MARCHF1: variants seen among roughly 807,000 people sequenced by gnomAD.
The protein encoded by MARCHF1 is membrane associated ring-CH-type finger 1, also known as E3 ubiquitin-protein ligase MARCHF1.
MARCHF1 carries 40 observed loss-of-function variants against 54.2 expected under a neutral mutation model. That is an observed-to-expected ratio of 0.74 (90% CI 0.57 to 0.96). The LOEUF is 0.96. Among genes scored for constraint, MARCHF1 ranks in the 40% least tolerant of loss-of-function variants. The pLI is 0.00. For synonymous variants in MARCHF1, 236 were observed against 236.3 expected, an observed-to-expected ratio of 1.00 and a Z score of 0.01; for missense variants, 586 against 656.5, an observed-to-expected ratio of 0.89 and a Z score of 1.17.
At chr4:164,205,451 T>G (rs527894763) in intron 1 of MARCHF1, among the ~76,000 whole-genome samples, 1 of 152,302 alleles carries the variant, frequency 6.6e-6, no homozygotes, top group East Asian at 1.9e-4. Context: ...GCAAACTCGC[T>G]ACTATAAACA....
At chr4:163,839,918 A>G (rs1175595439) in intron 4 of MARCHF1, among the ~76,000 whole-genome samples, 4 of 152,140 alleles carry the variant, frequency 2.6e-5, no homozygotes, top group African/African-American at 9.7e-5. Context: ...TACAATAGAG[A>G]AAATTGAAAA....
At chr4:164,293,784 C>T (rs1408967452) in intron 1 of MARCHF1, among the ~76,000 whole-genome samples, 1 of 152,180 alleles carries the variant, frequency 6.6e-6, no homozygotes, top group East Asian at 1.9e-4. Flanking sequence ...GGCTCCCATG[C>T]ATTAGTTCCT....
intron 3 of MARCHF1, among the ~76,000 whole-genome samples, chr4:163,895,210 A>C (rs1248655461): frequency 2.0e-5 from 3 of 152,182 alleles, no homozygotes; most frequent in Non-Finnish European, 4.4e-5. Flanking sequence ...CAACTTTTAC[A>C]AGGAAGTTTT....
At chr4:164,076,136 TAAC>T (rs57287504) in intron 2 of MARCHF1, among the ~76,000 whole-genome samples, 71,063 of 150,304 alleles carry the variant, frequency 0.47, 17,749 homozygotes, top group South Asian at 0.59. Context: ...AATAATTTTC[TAAC>T]AACAACAACA....
intron 3 of MARCHF1, among the ~76,000 whole-genome samples, chr4:163,867,814 CT>C (rs34739113): frequency 1.5e-3 from 195 of 131,000 alleles, no homozygotes; most frequent in Non-Finnish European, 2.2e-3. Flanking sequence ...CATCAATTTC[CT>C]TTTTTTTTTT....
chr4:163,747,918 C>G (rs144072144), intron 4 of MARCHF1, among the ~76,000 whole-genome samples: 5 of 152,168 alleles, frequency 3.3e-5, no homozygotes, highest in African/African-American at 1.2e-4. Flanking sequence ...CTGTCTGACT[C>G]TAGTGGCCAG....
intron 1 of MARCHF1, among the ~76,000 whole-genome samples, chr4:164,202,872 T>G (rs533722190): frequency 6.6e-6 from 1 of 152,176 alleles, no homozygotes; most frequent in Non-Finnish European, 1.5e-5. Context: ...TATTTTGAGG[T>G]AGTCAATGTA....
chr4:163,628,087 A>G (rs1741936422), intron 5 of MARCHF1, among the ~76,000 whole-genome samples: 1 of 152,218 alleles, frequency 6.6e-6, no homozygotes, highest in Non-Finnish European at 1.5e-5. Context: ...AAATTAGACA[A>G]TATAAAAATT....
intron 2 of MARCHF1, among the ~76,000 whole-genome samples, 171 bp downstream of exon 2, chr4:164,111,417 T>C (rs990661464): frequency 2.6e-5 from 4 of 151,742 alleles, no homozygotes; most frequent in Non-Finnish European, 5.9e-5. Flanking sequence ...GCCTTTTCAT[T>C]ATTCATTGAG....
intron 2 of MARCHF1, among the ~76,000 whole-genome samples, chr4:164,074,300 A>G (rs1249598694): frequency 6.6e-6 from 1 of 152,148 alleles, no homozygotes; most frequent in African/African-American, 2.4e-5. Context: ...AGTGATGGTG[A>G]TTATTCTCTT....
chr4:164,110,995 G>C (rs1755823060), intron 2 of MARCHF1, among the ~76,000 whole-genome samples: 1 of 151,674 alleles, frequency 6.6e-6, no homozygotes, highest in Non-Finnish European at 1.5e-5. Flanking sequence ...AATAGCCTTT[G>C]GTTGCTCTGG....
At chr4:164,029,137 C>A (rs557367931) in intron 2 of MARCHF1, among the ~76,000 whole-genome samples, 1 of 152,162 alleles carries the variant, frequency 6.6e-6, no homozygotes, top group Admixed American at 6.6e-5. Flanking sequence ...AGTCAGTTCA[C>A]CCACTGCTAT....
chr4:163,618,065 T>C lies in MARCHF1; in HGVS notation c.163-4672A>G, dbSNP rs1039503075. 3.3e-5 allele frequency among the ~76,000 whole-genome samples: 5 copies of C among 152,208 alleles called. 1 individual carries two copies. Among genetic ancestry groups the C allele is most frequent in the South Asian group, 2.1e-4 (1 of 4,832 alleles). On this transcript the variant is annotated intron_variant, in intron 5 of 9. Coordinates refer to ENST00000514618, the MANE Select transcript of MARCHF1 (RefSeq NM_001394959.1). ...ATCACAGTGAATCAGATAGCATTTA[T>C]GTCTACAGCCCTTAAGTATTTTGAA...
At chr4:164,244,445 C>T (rs1249153488) in intron 1 of MARCHF1, among the ~76,000 whole-genome samples, 44 of 149,370 alleles carry the variant, frequency 2.9e-4, no homozygotes, top group African/African-American at 7.6e-4. Flanking sequence ...ATCTCTGGGA[C>T]GCATTCAAAG....
intron 3 of MARCHF1, among the ~76,000 whole-genome samples, chr4:163,876,847 C>T (rs192282454): frequency 4.6e-5 from 7 of 152,228 alleles, no homozygotes; most frequent in African/African-American, 1.4e-4. Context: ...AGGAAATTAA[C>T]TAGCCCAATT....
intron 4 of MARCHF1, among the ~76,000 whole-genome samples, chr4:163,842,035 G>T (rs2111133627): frequency 6.6e-6 from 1 of 152,160 alleles, no homozygotes; most frequent in Non-Finnish European, 1.5e-5. Context: ...GTGGCTTTTG[G>T]CTTTTAACCT....
At chr4:163,771,916 C>G (rs553166400) in intron 4 of MARCHF1, among the ~76,000 whole-genome samples, 91 of 152,142 alleles carry the variant, frequency 6.0e-4, no homozygotes, top group Non-Finnish European at 1.2e-3. Flanking sequence ...CACTATCTAA[C>G]ATAAAAATGG....
At chr4:163,940,637 T>G (rs1419383936) in intron 3 of MARCHF1, among the ~76,000 whole-genome samples, 2 of 152,110 alleles carry the variant, frequency 1.3e-5, no homozygotes, top group African/African-American at 4.8e-5. Context: ...ACAAATCACA[T>G]AGCTGTTTAC....
intron 1 of MARCHF1, among the ~76,000 whole-genome samples, chr4:164,124,726 A>G (rs1756143794): frequency 6.6e-6 from 1 of 152,134 alleles, no homozygotes; most frequent in Non-Finnish European, 1.5e-5. Context: ...CTAAAAATCA[A>G]AACAATTGAA....
Sources: gnomAD v4.1 joint callset for allele counts (sites outside exome capture counted in the v4.1 genomes callset) on GRCh38, gnomAD v4.1.1 for gene constraint, MANE v1.5 for transcripts, NCBI Gene and HGNC (gene_info 2026-07-23, HGNC 2026-07-21) for gene names.